CASP14: variants seen among roughly 807,000 people sequenced by gnomAD.
CASP14 encodes caspase 14.
In CASP14, 27 loss-of-function variants were observed where a neutral mutation model predicts 28.4. The observed-to-expected ratio is 0.95, with a 90% confidence interval of 0.70 to 1.31. The LOEUF (loss-of-function observed/expected upper bound fraction) is 1.31, where lower values mean the gene tolerates loss of function less well. CASP14 is among the 50% of genes most tolerant of loss of function. The pLI is 0.00. For synonymous variants in CASP14, 115 were observed against 118.6 expected, an observed-to-expected ratio of 0.97 and a Z score of 0.20; for missense variants, 323 against 312.8, an observed-to-expected ratio of 1.03 and a Z score of -0.25.
rs111414279 is a variant in CASP14 at position 15,055,704 on chromosome 19, A to G, written c.624+171A>G. ...TCCAACAACTTTCCCAAATGCAGGG[A>G]CTCTTAAAAGCCACAGTATGGGAGA... On this transcript the variant is annotated intron_variant, in intron 6 of 6. Transcript: ENST00000427043. Among the ~76,000 whole-genome samples, 461 of 152,204 alleles carry G rather than the reference A, an allele frequency of 3.0e-3. 3 individuals carry two copies. The highest frequency in any genetic ancestry group is 0.01 in the African/African-American group (420 of 41,516).
At chr19:15,050,490 A>C (rs1272301971) in intron 1 of CASP14, among the ~76,000 whole-genome samples, 1 of 131,548 alleles carries the variant, frequency 7.6e-6, no homozygotes, top group Non-Finnish European at 1.6e-5. Flanking sequence ...GGGTGGGTGG[A>C]TGGATTGATG....
intron 4 of CASP14, among the ~76,000 whole-genome samples, chr19:15,054,387 C>CT (rs376581484): frequency 3.6e-4 from 55 of 152,214 alleles, no homozygotes; most frequent in African/African-American, 1.2e-3. Flanking sequence ...AGACTAGCGT[C>CT]GAGCAATGTA....
Position 15,055,449 on chromosome 19 carries a change from T to A in CASP14, c.540T>A (p.His180Gln). The change falls in exon 6 of 7, where the codon CAT (histidine) becomes CAA (glutamine). Residue 180 changes from histidine to glutamine, a missense_variant. Physicochemically the swap from His to Gln is conservative, Grantham distance 24 (BLOSUM62 0). Transcript: ENST00000427043. ...TCCCAGGATACATCGCCTACCGACA[T>A]GATCAGAAAGGCTCATGCTTTATCC... ...STVEGYIAYR[H>Q]DQKGSCFIQT... The A allele has an allele frequency of 1.2e-6, 2 of 1,614,070 alleles. No homozygotes were observed. The highest frequency in any genetic ancestry group is 1.7e-6 in the Non-Finnish European group (2 of 1,179,984).
chr19:15,054,233 C>T (rs1568315344), intron 4 of CASP14, among the ~76,000 whole-genome samples: 1 of 152,166 alleles, frequency 6.6e-6, no homozygotes, highest in African/African-American at 2.4e-5. Context: ...CTCAGCCTCC[C>T]ACCATGCCCA....
Position 15,050,496 on chromosome 19 carries a change from T to TGGATG in CASP14, c.-47+852_-47+853insGATGG, listed in dbSNP as rs2046085185. Among the ~76,000 whole-genome samples the TGGATG allele has an allele frequency of 5.2e-4, 68 of 130,312 alleles. 1 individual carries two copies. The highest frequency in any genetic ancestry group is 1.9e-3 in the African/African-American group (66 of 34,148). The allele number at this position is 130,312 out of a possible 152,430, so 85.5% of individuals were successfully genotyped here. A position where few individuals can be genotyped will look rare whatever the true frequency, so the allele number is the denominator to read the frequency against. On this transcript the variant is annotated intron_variant, in intron 1 of 6. Transcript: ENST00000427043. ...TAGGTGGGTGGGTGGGTGGATGGATTGATGGATGGATGGATGGATGGGTGG... is the reference window on the plus strand; with the variant it reads ...TAGGTGGGTGGGTGGGTGGATGGATTGGATGGATGGATGGATGGATGGATGGGTGG...
chr19:15,054,956 A>G (rs2046108944), intron 4 of CASP14: 2 of 537,084 alleles, frequency 3.7e-6, no homozygotes, highest in Non-Finnish European at 6.7e-6. Context: ...CTTTCTTTTT[A>G]AGAGGCGACA....
rs143941999 is a variant in CASP14, at chr19:15,056,325, A to G, written c.*236A>G. ...TCACCTCCCTCAGGCTGGACTTTCT[A>G]TCTTTATTAATGCAACCGAAGAGAC... is the stretch of plus-strand genomic sequence containing the variant. On this transcript the variant is annotated 3_prime_UTR_variant, in exon 7 of 7. Transcript: ENST00000427043. 2,401 of 416,456 alleles carry G rather than the reference A, an allele frequency of 5.8e-3. 32 individuals carry two copies. The highest frequency in any genetic ancestry group is 4.2e-3 in the Non-Finnish European group (914 of 219,446). The allele number at this position is 416,456 out of a possible 1,614,324, so 25.8% of individuals were successfully genotyped here. A position where few individuals can be genotyped will look rare whatever the true frequency, so the allele number is the denominator to read the frequency against.
At chr19:15,054,906 GC>G in intron 4 of CASP14, 1 of 394,558 alleles carries the variant, frequency 2.5e-6, no homozygotes, top group Non-Finnish European at 4.7e-6. Flanking sequence ...CTCCCAAAGT[GC>G]TGGGATTACA....
rs201635146 is a variant in CASP14, at chr19:15,052,262, C to T, written c.11C>T (p.Pro4Leu). MSNPRSLEEEKYDM... is the reference protein window; with the variant it reads MSNLRSLEEEKYDM... ...ACAACCAAAGGAGAAATGAGCAATCCGCGGTCTTTGGAAGAGGTAGGCTGG... is the reference window on the plus strand; with the variant it reads ...ACAACCAAAGGAGAAATGAGCAATCTGCGGTCTTTGGAAGAGGTAGGCTGG... The change falls in exon 2 of 7, where the codon CCG becomes CTG. Residue 4 changes from proline (P) to leucine (L), a missense_variant. Coordinates refer to ENST00000427043, the MANE Select transcript of CASP14 (RefSeq NM_012114.3). The T allele has an allele frequency of 1.3e-5, 20 of 1,592,032 alleles. No homozygotes were observed. Among genetic ancestry groups the T allele is most frequent in the African/African-American group, 6.8e-5 (5 of 73,918 alleles).
intron 4 of CASP14, chr19:15,054,894 G>T (rs1405666632): frequency 5.6e-6 from 2 of 354,314 alleles, no homozygotes; most frequent in Non-Finnish European, 1.1e-5. Context: ...GCCTTCCTCA[G>T]CCTCCCAAAG....
In CASP14 at chr19:15,049,526, AG is replaced by A. The variant is rs2046078674; in HGVS notation, c.-165del. 6.6e-6 allele frequency: 1 copy of A among 152,164 alleles called. No homozygotes were observed. The highest frequency in any genetic ancestry group is 2.4e-5 in the African/African-American group (1 of 41,430). The allele number at this position is 152,164 out of a possible 1,614,324, so 9.4% of individuals were successfully genotyped here. ...AAACCCCGGGAGATTCCACACTGTC[AG>A]CCCCTTCTCCAAGATCAGTACGTGG... On this transcript the variant is annotated 5_prime_UTR_variant, in exon 1 of 7. Coordinates refer to ENST00000427043, the MANE Select transcript of CASP14 (RefSeq NM_012114.3).
chr19:15,055,930 C>T (rs906931345), intron 6 of CASP14, 55 bp from the exon 7 acceptor site: 13 of 1,405,494 alleles, frequency 9.2e-6, no homozygotes, highest in Middle Eastern at 1.8e-4. Context: ...CCTAACCCTC[C>T]CCCCATAAGT....
At chr19:15,049,718 CA>C (rs1448384340) in intron 1 of CASP14, 73 bp downstream of exon 1, 4 of 152,486 alleles carry the variant, frequency 2.6e-5, no homozygotes, top group African/African-American at 9.7e-5. Flanking sequence ...CACACACACA[CA>C]CACACACACA....
intron 3 of CASP14, 39 bp from the exon 4 acceptor site, chr19:15,053,694 T>C (rs756759905): frequency 5.6e-6 from 9 of 1,613,366 alleles, no homozygotes; most frequent in Non-Finnish European, 7.6e-6. Flanking sequence ...GTGTAGGCTA[T>C]GGGGACCCAG....
chr19:15,055,612 C>G, intron 6 of CASP14, 79 bp downstream of exon 6: 1 of 925,392 alleles, frequency 1.1e-6, no homozygotes, highest in Non-Finnish European at 1.7e-6. Flanking sequence ...CTCCTCCTAA[C>G]CCCTCTCCAT....
rs146875225 is a variant in CASP14, at chr19:15,055,486, G to A, written c.577G>A (p.Asp193Asn). The A allele has an allele frequency of 9.5e-5, 154 of 1,614,040 alleles. No homozygotes were observed. Among genetic ancestry groups the A allele is most frequent in the Non-Finnish European group, 1.3e-4 (154 of 1,180,012 alleles). ...CTCATGCTTTATCCAGACCCTGGTGGATGTGTTCACGAAGAGGAAAGGACA... is the reference window on the plus strand; with the variant it reads ...CTCATGCTTTATCCAGACCCTGGTGAATGTGTTCACGAAGAGGAAAGGACA... ...KGSCFIQTLV[D>N]VFTKRKGHIL... The change falls in exon 6 of 7, where the codon GAT (aspartate) becomes AAT (asparagine). Residue 193 changes from aspartate (D) to asparagine (N), a missense_variant. By Grantham distance (23) the Asp-to-Asn change is conservative (BLOSUM62 1). Transcript: ENST00000427043.
Position 15,053,615 on chromosome 19 carries a change from G to C in CASP14, c.161G>C (p.Arg54Thr). 2 of 1,614,162 alleles carry C rather than the reference G, an allele frequency of 1.2e-6. No individual in the cohort carries two copies. Among genetic ancestry groups the C allele is most frequent in the Non-Finnish European group, 1.7e-6 (2 of 1,180,044 alleles). The change falls in exon 3 of 7, where the codon AGA becomes ACA. Residue 54 changes from arginine (R) to threonine (T), a missense_variant. Arg to Thr is a moderately conservative substitution (Grantham distance 71). Transcript: ENST00000427043. ...CTGAGATTCGAAAGCACCATGAAAA[G>C]AGACCCCACTGCCGAGGTATTGGGG... ...RQLRFESTMKRDPTAEQFQEE... is the reference protein window; with the variant it reads ...RQLRFESTMKTDPTAEQFQEE...
rs2046118215 is a variant in CASP14 at position 15,056,495 on chromosome 19, C to T, written c.*406C>T. Reference sequence around the variant, plus strand: ...TACCCCAATCCAACCTCTGCTGGCTCCTGCATCTCACTTGGAGGTCAAACC... The same window carrying T: ...TACCCCAATCCAACCTCTGCTGGCTTCTGCATCTCACTTGGAGGTCAAACC... On this transcript the variant is annotated 3_prime_UTR_variant, in exon 7 of 7. Transcript: ENST00000427043. 5.7e-6 allele frequency: 1 copy of T among 176,292 alleles called. No homozygotes were observed. Among genetic ancestry groups the T allele is most frequent in the South Asian group, 1.4e-4 (1 of 7,314 alleles). The allele number at this position is 176,292 out of a possible 1,614,324, so 10.9% of individuals were successfully genotyped here.
In CASP14 at chr19:15,057,093, GC is replaced by G. The variant is rs2046121117; in HGVS notation, c.*1006del. ...TTCTAGAAATTTTCAATAACCACCA[GC>G]CAAGGTTACCTCCAGGTAACCTTGC... On this transcript the variant is annotated 3_prime_UTR_variant, in exon 7 of 7. Transcript: ENST00000427043. 6.6e-6 allele frequency: 1 copy of G among 151,988 alleles called. No individual in the cohort carries two copies. Among genetic ancestry groups the G allele is most frequent in the Non-Finnish European group, 1.5e-5 (1 of 67,986 alleles). The allele number at this position is 151,988 out of a possible 1,614,324, so 9.4% of individuals were successfully genotyped here.
Sources: gnomAD v4.1 joint callset for allele counts (sites outside exome capture counted in the v4.1 genomes callset) on GRCh38, gnomAD v4.1.1 for gene constraint, MANE v1.5 for transcripts, NCBI Gene and HGNC (gene_info 2026-07-23, HGNC 2026-07-21) for gene names.